Variants in VWA5B1 observed in about 807,000 individuals in gnomAD.
The protein encoded by VWA5B1 is von Willebrand factor A domain containing 5B1.
A neutral mutation model predicts 118.2 loss-of-function variants in VWA5B1; 115 were observed. The observed-to-expected ratio is 0.97, with a 90% confidence interval of 0.84 to 1.14. The LOEUF (loss-of-function observed/expected upper bound fraction) is 1.14, where lower values mean the gene tolerates loss of function less well. Among genes scored for constraint, VWA5B1 ranks in the 50% most tolerant of loss-of-function variants. The pLI, the probability that VWA5B1 is intolerant of heterozygous loss-of-function variation, is 0.00. For synonymous variants in VWA5B1, 682 were observed against 658.4 expected (o/e 1.04, Z -0.55); for missense variants, 1,596 against 1,603.8 (o/e 1.00, Z 0.08).
At chr1:20,351,012 C>A in intron 20 of VWA5B1, 86 bp downstream of exon 20, 3 of 1,324,656 alleles carry the variant, frequency 2.3e-6, no homozygotes, top group Non-Finnish European at 3.2e-6. Flanking sequence ...CTTGGAAGGC[C>A]AAAGACAGGT....
intron 1 of VWA5B1, among the ~76,000 whole-genome samples, chr1:20,295,236 G>A (rs935188108): frequency 6.6e-5 from 10 of 152,134 alleles, no homozygotes; most frequent in African/African-American, 2.2e-4. Flanking sequence ...GGCTCACAGA[G>A]GTCTGGGGAA....
Position 20,344,456 on chromosome 1 carries a change from C to T in VWA5B1, c.2627-1000C>T, listed in dbSNP as rs533513117. On this transcript the variant is annotated intron_variant, in intron 16 of 21. Coordinates refer to ENST00000289815, the MANE Select transcript of VWA5B1 (RefSeq NM_001039500.3). ...GTGAAAAAGCAATCTCCATCCCTTC[C>T]TTACCCATGAGTGCTTGACAAACTA... 9.8e-5 allele frequency among the ~76,000 whole-genome samples: 15 copies of T among 152,344 alleles called. No homozygotes were observed. In the South Asian group the frequency reaches 2.9e-3, roughly 29 times the overall value.
intron 4 of VWA5B1, among the ~76,000 whole-genome samples, chr1:20,316,102 A>G (rs1374652682): frequency 2.6e-5 from 4 of 152,240 alleles, no homozygotes; most frequent in African/African-American, 9.6e-5. Context: ...GAGCTCAGAT[A>G]GAGTGACACA....
At chr1:20,340,398 G>T (rs1295270407) in intron 14 of VWA5B1, among the ~76,000 whole-genome samples, 3 of 152,134 alleles carry the variant, frequency 2.0e-5, no homozygotes, top group African/African-American at 7.2e-5. Context: ...AGCAGCCCTG[G>T]CTGGGGTCAT....
chr1:20,351,523 G>A (rs230183), intron 20 of VWA5B1, among the ~76,000 whole-genome samples: 9,064 of 152,242 alleles, frequency 0.06, 385 homozygotes, highest in Admixed American at 0.092. Context: ...ATGGTCGCAT[G>A]TGCCTGTAGT....
At position 20,354,184 on chromosome 1, in the gene VWA5B1, G is replaced by A. The variant is rs775005527; in HGVS notation, c.3569G>A (p.Arg1190His). ...RTQGTLKAAA[R>H]QLFVLLRHWD... The stretch of plus-strand genomic sequence containing the variant: ...CAGGGCACACTCAAGGCCGCTGCCC[G>A]CCAGCTGTTTGTGCTTCTGCGGCAC... The change falls in exon 22 of 22, where the codon CGC becomes CAC. Residue 1190 changes from arginine (R) to histidine (H), a missense_variant. Arg to His is a conservative substitution (Grantham distance 29). Coordinates refer to ENST00000289815, the MANE Select transcript of VWA5B1 (RefSeq NM_001039500.3). 1.7e-5 allele frequency: 26 copies of A among 1,551,274 alleles called. No individual in the cohort carries two copies. Among genetic ancestry groups the A allele is most frequent in the South Asian group, 1.3e-4 (11 of 84,054 alleles).
Position 20,331,960 on chromosome 1 carries a change from C to G in VWA5B1, c.1573-806C>G, listed in dbSNP as rs79288169. ...CAGCTGTCATTTACTAAACACCTAC[C>G]ACACCTAGCGCATGTCATTTACTAA... On this transcript the variant is annotated intron_variant, in intron 11 of 21. Transcript: ENST00000289815. Among the ~76,000 whole-genome samples the G allele has an allele frequency of 6.9e-3, 1,049 of 152,216 alleles. 2 individuals carry two copies. The highest frequency in any genetic ancestry group is 0.011 in the Non-Finnish European group (776 of 68,016).
In VWA5B1 at chr1:20,354,383, A is replaced by G; in HGVS notation, c.*120A>G. ...AACTAATATTTCAGTTACTAGAAAGAGCCCTGGACTGGCAGCCAGGAGGCC... is the reference window on the plus strand; with the variant it reads ...AACTAATATTTCAGTTACTAGAAAGGGCCCTGGACTGGCAGCCAGGAGGCC... On this transcript the variant is annotated 3_prime_UTR_variant, in exon 22 of 22. Transcript: ENST00000289815. The G allele has an allele frequency of 7.7e-7, 1 of 1,295,232 alleles. No homozygotes were observed. The highest frequency in any genetic ancestry group is 1.6e-5 in the South Asian group (1 of 64,404). 80.2% of individuals were successfully genotyped at this position (1,295,232 alleles called of 1,614,324 possible).
intron 16 of VWA5B1, among the ~76,000 whole-genome samples, 189 bp downstream of exon 16, chr1:20,343,582 T>G (rs1394413398): frequency 1.6e-5 from 2 of 125,846 alleles, no homozygotes; most frequent in Non-Finnish European, 3.3e-5. Context: ...ACTCTCCCTA[T>G]GACCCGCCCA....
chr1:20,331,388 T>A (rs2089550608), intron 11 of VWA5B1, among the ~76,000 whole-genome samples: 1 of 152,250 alleles, frequency 6.6e-6, no homozygotes, highest in African/African-American at 2.4e-5. Flanking sequence ...TCCTGCACAT[T>A]TGACACGAAT....
intron 18 of VWA5B1, 164 bp downstream of exon 18, chr1:20,348,522 GC>G: frequency 1.4e-6 from 1 of 714,240 alleles, no homozygotes; most frequent in Non-Finnish European, 2.4e-6. Context: ...GCTCTCTGAA[GC>G]CTAAGAGGGA....
chr1:20,317,590 G>A lies in VWA5B1; in HGVS notation c.624G>A (p.Ala208=), dbSNP rs781564568. ...APGSWNKLCL[A]TLLNTEVSNP... ...GCTCCTGGAATAAGTTGTGCCTGGC[G>A]ACTCTCCTGAACACCGAAGTGTCCA... is the stretch of plus-strand genomic sequence containing the variant. The change falls in exon 5 of 22, where the codon GCG becomes GCA. Residue 208 remains alanine (A), a synonymous_variant. Coordinates refer to ENST00000289815, the MANE Select transcript of VWA5B1 (RefSeq NM_001039500.3). 43 of 1,551,714 alleles carry A rather than the reference G, an allele frequency of 2.8e-5. No individual in the cohort carries two copies. The South Asian group carries it at 4.3e-4, about 15-fold the overall frequency.
chr1:20,310,609 G>C lies in VWA5B1; in HGVS notation c.8G>C (p.Gly3Ala). MP[G>A]LLNWITGAAL... ...GGCTGAGTAGCCAGCGGGATGCCCG[G>C]CTTGCTGAATTGGATCACGGGGGCA... is the stretch of plus-strand genomic sequence containing the variant. The change falls in exon 2 of 22, where the codon GGC (glycine) becomes GCC (alanine). Residue 3 changes from glycine (G) to alanine (A), a missense_variant. By Grantham distance (60) the Gly-to-Ala change is moderately conservative (BLOSUM62 0). Coordinates refer to ENST00000289815, the MANE Select transcript of VWA5B1 (RefSeq NM_001039500.3). 2 of 1,537,644 alleles carry C rather than the reference G, an allele frequency of 1.3e-6. No individual in the cohort carries two copies. Among genetic ancestry groups the C allele is most frequent in the South Asian group, 2.5e-5 (2 of 81,510 alleles).
chr1:20,330,884 A>C lies in VWA5B1; in HGVS notation c.1473A>C (p.Gly491=), dbSNP rs779024842. 9 of 1,551,608 alleles carry C rather than the reference A, an allele frequency of 5.8e-6. No homozygotes were observed. Among genetic ancestry groups the C allele is most frequent in the South Asian group, 3.6e-5 (3 of 84,058 alleles). ...TTTCCGCCAGGTGCTATAGCTTTGG[A>C]ATTGGACCCAACGTCTGCCACAGAC... is the stretch of plus-strand genomic sequence containing the variant. ...HAFSTRCYSF[G]IGPNVCHRLV... The change falls in exon 11 of 22, where the codon GGA becomes GGC. Residue 491 remains glycine (G), a synonymous_variant. Transcript: ENST00000289815.
At position 20,357,010 on chromosome 1, in the gene VWA5B1, G is replaced by A. The variant is rs1179718437; in HGVS notation, c.*2747G>A. On this transcript the variant is annotated 3_prime_UTR_variant, in exon 22 of 22. Transcript: ENST00000289815. ...CTCAAGCAGGGAACACATTGCCCCT[G>A]CAATCTCATTTACTTTGGGTTAATC... is the stretch of plus-strand genomic sequence containing the variant. Among the ~76,000 whole-genome samples the A allele has an allele frequency of 6.6e-6, 1 of 152,216 alleles. No individual in the cohort carries two copies. The highest frequency in any genetic ancestry group is 2.4e-5 in the African/African-American group (1 of 41,444).
At chr1:20,299,150 C>G (rs760143633) in intron 1 of VWA5B1, among the ~76,000 whole-genome samples, 4 of 152,114 alleles carry the variant, frequency 2.6e-5, no homozygotes, top group Admixed American at 2.6e-4. Flanking sequence ...TGCAAAGTGT[C>G]GGGAACCTCT....
chr1:20,329,324 A>G (rs1253580564), intron 9 of VWA5B1, among the ~76,000 whole-genome samples: 1 of 72,278 alleles, frequency 1.4e-5, no homozygotes, highest in Non-Finnish European at 2.5e-5. Context: ...TTTGAGATGG[A>G]GTCTCTCTTT....
chr1:20,314,499 G>T lies in VWA5B1; in HGVS notation c.470G>T (p.Gly157Val). ...TCGGAGCTCCCAACGCTGCCCAGCGGGGCTGTGAGGGTCCTTCTGCCTGCT... is the reference window on the plus strand; with the variant it reads ...TCGGAGCTCCCAACGCTGCCCAGCGTGGCTGTGAGGGTCCTTCTGCCTGCT... ...TSSELPTLPS[G>V]AVRVLLPAVC... The change falls in exon 4 of 22, where the codon GGG becomes GTG. Residue 157 changes from glycine to valine, a missense_variant. By Grantham distance (109) the Gly-to-Val change is moderately radical. Coordinates refer to ENST00000289815, the MANE Select transcript of VWA5B1 (RefSeq NM_001039500.3). The T allele has an allele frequency of 6.4e-7, 1 of 1,551,662 alleles. No homozygotes were observed. The highest frequency in any genetic ancestry group is 8.7e-7 in the Non-Finnish European group (1 of 1,146,988).
Position 20,336,454 on chromosome 1 carries a change from G to T in VWA5B1, c.1910G>T (p.Arg637Leu). 6.8e-7 allele frequency: 1 copy of T among 1,476,106 alleles called. No homozygotes were observed. The highest frequency in any genetic ancestry group is 9.0e-7 in the Non-Finnish European group (1 of 1,106,250). The allele number at this position is 1,476,106 out of a possible 1,614,324, so 91.4% of individuals were successfully genotyped here. Residue 637 changes from arginine to leucine, a missense_variant, in exon 13 of 22, where the codon CGG (arginine) becomes CTG (leucine). Coordinates refer to ENST00000289815, the MANE Select transcript of VWA5B1 (RefSeq NM_001039500.3). ...ATCCTAGGGCAGGCCAAAAATGCCCGGCTAGCCAGCGGAGACTCTACCACC... is the reference window on the plus strand; with the variant it reads ...ATCCTAGGGCAGGCCAAAAATGCCCTGCTAGCCAGCGGAGACTCTACCACC... Reference protein sequence around the residue: ...PFILGQAKNARLASGDSTTKH... With the variant: ...PFILGQAKNALLASGDSTTKH...
Sources: allele counts gnomAD v4.1 joint callset (sites outside exome capture counted in the v4.1 genomes callset), GRCh38; gene constraint gnomAD v4.1.1; transcripts MANE v1.5; gene names NCBI Gene and HGNC (gene_info 2026-07-23, HGNC 2026-07-21).